SURF6: variants seen among roughly 807,000 people sequenced by gnomAD.
The protein encoded by SURF6 is surfeit 6.
In SURF6, 28 loss-of-function variants were observed where a neutral mutation model predicts 37.5. The observed-to-expected ratio is 0.75, with a 90% CI of 0.55 to 1.02. The LOEUF is 1.02. SURF6 is among the 50% of genes least tolerant of loss of function. SURF6 has a pLI of 0.00. For missense variants in SURF6, 560 were observed against 490.5 expected, an observed-to-expected ratio of 1.14 and a Z score of -1.34; for synonymous variants, 248 against 210.9, an observed-to-expected ratio of 1.18 and a Z score of -1.52.
rs2129920795 is a variant in SURF6, at chr9:133,332,714, C to T, written c.440G>A (p.Arg147Gln). The T allele has an allele frequency of 3.2e-5, 52 of 1,611,840 alleles. No homozygotes were observed. The highest frequency in any genetic ancestry group is 1.6e-4 in the Middle Eastern group (1 of 6,082). The change falls in exon 4 of 5, where the codon CGG becomes CAG. Residue 147 changes from arginine (R) to glutamine (Q), a missense_variant. Physicochemically the swap from Arg to Gln is conservative, Grantham distance 43. Transcript: ENST00000372022. Reference sequence around the variant, plus strand: ...CTTCCGGTCCCGTTCCTGCTTTCTCCGCCGCCTTTTCTCCAAGGCGGCAGG... The same window carrying T: ...CTTCCGGTCCCGTTCCTGCTTTCTCTGCCGCCTTTTCTCCAAGGCGGCAGG... ...LSPAALEKRR[R>Q]RKQERDRKKR...
In SURF6 at chr9:133,333,714, C is replaced by T. The variant is rs2129924376; in HGVS notation, c.393+4G>A. ...ACGGCACTCCAGCAAACCTGCCCGC[C>T]TACCTGGCCCCGGGCCTCCTGGATC... On this transcript the variant is annotated splice_donor_region_variant and intron_variant, in intron 3 of 4. Transcript: ENST00000372022. The T allele has an allele frequency of 6.2e-7, 1 of 1,613,100 alleles. No homozygotes were observed. The highest frequency in any genetic ancestry group is 1.1e-5 in the South Asian group (1 of 91,016).
chr9:133,335,334 A>AAAAAT (rs1554766134), intron 1 of SURF6, among the ~76,000 whole-genome samples: 1 of 151,254 alleles, frequency 6.6e-6, no homozygotes, highest in Non-Finnish European at 1.5e-5. Flanking sequence ...AAAAAAAAAA[A>AAAAAT]TTTCAAAAAG....
chr9:133,332,426 C>A, intron 4 of SURF6, 78 bp from the exon 5 acceptor site: 4 of 1,527,204 alleles, frequency 2.6e-6, no homozygotes, highest in South Asian at 1.3e-5. Context: ...AAGGGACCTG[C>A]GAGGTCCCCG....
intron 2 of SURF6, 76 bp downstream of exon 2, chr9:133,334,316 A>C: frequency 7.1e-7 from 1 of 1,407,050 alleles, no homozygotes; most frequent in South Asian, 1.4e-5. Flanking sequence ...TTTTTTCTTA[A>C]GAGCAAAGGG....
In SURF6 at chr9:133,330,997, C is replaced by G. The variant is rs1161772690; in HGVS notation, c.*872G>C. On this transcript the variant is annotated 3_prime_UTR_variant, in exon 5 of 5. Coordinates refer to ENST00000372022, the MANE Select transcript of SURF6 (RefSeq NM_006753.6). ...TCCTGTTCAGTTACAGTCTTTGTCT[C>G]ATAACCGGAGAGTTTCATCAAAAGA... 1 of 152,174 alleles carries G rather than the reference C, an allele frequency of 6.6e-6. No homozygotes were observed. Among genetic ancestry groups the G allele is most frequent in the Non-Finnish European group, 1.5e-5 (1 of 68,028 alleles). 9.4% of individuals were successfully genotyped at this position (152,174 alleles called of 1,614,324 possible). A position where few individuals can be genotyped will look rare whatever the true frequency, so the allele number is the denominator to read the frequency against.
intron 4 of SURF6, 43 bp from the exon 5 acceptor site, chr9:133,332,391 AG>A (rs1348660641): frequency 6.5e-7 from 1 of 1,543,504 alleles, no homozygotes; most frequent in Non-Finnish European, 8.7e-7. Context: ...GCCCTGCACT[AG>A]GCCCCAGCCT....
chr9:133,336,108 C>T lies in SURF6; in HGVS notation c.25G>A (p.Ala9Thr), dbSNP rs1448204654. ...TTCTTGGCCAGGCTCTGCAGGTAGG[C>T]GTCCTTGGCGAGTAGAGAGGCCATG... MASLLAKDAYLQSLAKKIC... is the reference protein window; with the variant it reads MASLLAKDTYLQSLAKKIC... The change falls in exon 1 of 5, where the codon GCC (alanine) becomes ACC (threonine). Residue 9 changes from alanine (A) to threonine (T), a missense_variant. Transcript: ENST00000372022. The T allele has an allele frequency of 1.2e-6, 2 of 1,612,408 alleles. No homozygotes were observed. Among genetic ancestry groups the T allele is most frequent in the Non-Finnish European group, 1.7e-6 (2 of 1,179,792 alleles).
At chr9:133,335,962 C>T (rs1835864776) in intron 1 of SURF6, 77 bp downstream of exon 1, 5 of 1,171,082 alleles carry the variant, frequency 4.3e-6, no homozygotes, top group Non-Finnish European at 6.1e-6. Flanking sequence ...TAGTACTTTA[C>T]AGACTCGTCT....
rs2129926851 is a variant in SURF6, at chr9:133,334,373, A to G, written c.304+19T>C. The G allele has an allele frequency of 6.2e-7, 1 of 1,601,226 alleles. No homozygotes were observed. The highest frequency in any genetic ancestry group is 2.2e-5 in the East Asian group (1 of 44,760). ...CAGCCCCGCCCTGCACAGAACCAACATGCCCTGAAGCCTCTCACCTGCAGG... is the reference window on the plus strand; with the variant it reads ...CAGCCCCGCCCTGCACAGAACCAACGTGCCCTGAAGCCTCTCACCTGCAGG... On this transcript the variant is annotated intron_variant, in intron 2 of 4. Coordinates refer to ENST00000372022, the MANE Select transcript of SURF6 (RefSeq NM_006753.6).
chr9:133,332,447 A>G, intron 4 of SURF6, 99 bp from the exon 5 acceptor site: 1 of 1,539,114 alleles, frequency 6.5e-7, no homozygotes, highest in South Asian at 1.2e-5. Flanking sequence ...TCACCACCTT[A>G]CAGACATGAT....
Position 133,329,211 on chromosome 9 carries a change from ACTG to A in SURF6, c.*2655_*2657del, listed in dbSNP as rs1446463935. On this transcript the variant is annotated 3_prime_UTR_variant, in exon 5 of 5. Coordinates refer to ENST00000372022, the MANE Select transcript of SURF6 (RefSeq NM_006753.6). The stretch of plus-strand genomic sequence containing the variant: ...CTTTTAGTACTTTCACTAATTTACT[ACTG>A]CTATCTAGAAGGCAGAGCCAGGTGT... The A allele has an allele frequency of 3.3e-5, 5 of 152,990 alleles. No homozygotes were observed. Among genetic ancestry groups the A allele is most frequent in the African/African-American group, 1.2e-4 (5 of 41,444 alleles). The allele number at this position is 152,990 out of a possible 1,614,324, so 9.5% of individuals were successfully genotyped here. A position where few individuals can be genotyped will look rare whatever the true frequency, so the allele number is the denominator to read the frequency against.
Position 133,332,261 on chromosome 9 carries a change from TCAG to T in SURF6, c.691_693del (p.Leu231del), listed in dbSNP as rs2129916953. ...AGCAGCTGCCGGTAGTTCCTCCCGGTCAGCGGCGTGAGGTTCCCCTTCACCCTC... is the reference window on the plus strand; with the variant it reads ...AGCAGCTGCCGGTAGTTCCTCCCGGTCGGCGTGAGGTTCCCCTTCACCCTC... On this transcript the variant is annotated inframe_deletion, in exon 5 of 5. Coordinates refer to ENST00000372022, the MANE Select transcript of SURF6 (RefSeq NM_006753.6). 8 of 1,603,544 alleles carry T rather than the reference TCAG, an allele frequency of 5.0e-6. No homozygotes were observed. Among genetic ancestry groups the T allele is most frequent in the Non-Finnish European group, 6.8e-6 (8 of 1,179,546 alleles).
At chr9:133,332,950 C>A in intron 3 of SURF6, 190 bp from the exon 4 acceptor site, 1 of 610,270 alleles carries the variant, frequency 1.6e-6, no homozygotes, top group Non-Finnish European at 2.9e-6. Context: ...AGAGAAGGGA[C>A]CCCCAAATAA....
Position 133,333,783 on chromosome 9 carries a change from A to C in SURF6, c.328T>G (p.Ser110Ala), listed in dbSNP as rs1320096748. The C allele has an allele frequency of 1.9e-6, 3 of 1,613,638 alleles. No individual in the cohort carries two copies. The highest frequency in any genetic ancestry group is 1.1e-5 in the South Asian group (1 of 91,038). The change falls in exon 3 of 5, where the codon TCT becomes GCT. Residue 110 changes from serine (S) to alanine (A), a missense_variant. Physicochemically the swap from Ser to Ala is moderately conservative, Grantham distance 99. Transcript: ENST00000372022. ...CGCAGAACATCCAGAGCAAAGACAG[A>C]CTCAGGCTCAGTGGCCAGGCCATCT... The part of the protein sequence containing the change: ...PADGLATEPE[S>A]VFALDVLRQR...
Position 133,328,999 on chromosome 9 carries a change from TGTTA to T in SURF6, c.*2866_*2869del, listed in dbSNP as rs1835653573. The T allele has an allele frequency of 6.5e-6, 1 of 154,600 alleles. No individual in the cohort carries two copies. Among genetic ancestry groups the T allele is most frequent in the African/African-American group, 2.4e-5 (1 of 41,470 alleles). 9.6% of individuals were successfully genotyped at this position (154,600 alleles called of 1,614,324 possible). A position where few individuals can be genotyped will look rare whatever the true frequency, so the allele number is the denominator to read the frequency against. On this transcript the variant is annotated 3_prime_UTR_variant, in exon 5 of 5. Coordinates refer to ENST00000372022, the MANE Select transcript of SURF6 (RefSeq NM_006753.6). ...AGTGGCCCCGAATGTCTGGCTGCAT[TGTTA>T]TTTATTGGATACAAAGCAAAAGGGG...
rs2129924634 is a variant in SURF6, at chr9:133,333,753, G to A, written c.358C>T (p.Arg120Ter). ...GCCTCCTGGATCTTCTCATGCAGTC[G>A]CTGTCGCAGAACATCCAGAGCAAAG... The part of the protein sequence containing the change: ...SVFALDVLRQ[R>*]LHEKIQEARG... Residue 120 changes from arginine to a stop codon, truncating the protein, a stop_gained, in exon 3 of 5, where the codon CGA becomes TGA. Transcript: ENST00000372022. LOFTEE classifies it high-confidence loss of function. 16 of 1,613,762 alleles carry A rather than the reference G, an allele frequency of 9.9e-6. No homozygotes were observed. The highest frequency in any genetic ancestry group is 2.2e-5 in the South Asian group (2 of 91,060).
At chr9:133,333,038 G>A (rs1441480561) in intron 3 of SURF6, 4 of 501,296 alleles carry the variant, frequency 8.0e-6, no homozygotes, top group East Asian at 7.4e-5. Flanking sequence ...GTCATACATC[G>A]TTTTATAGAT....
rs2129907850 is a variant in SURF6 at position 133,330,881 on chromosome 9, G to C, written c.*988C>G. ...ATTCTTTTCAGATACTGTTGTGTCT[G>C]TCTCTCAGCTCAAGCTCATGCTCAC... On this transcript the variant is annotated 3_prime_UTR_variant, in exon 5 of 5. Transcript: ENST00000372022. The C allele has an allele frequency of 6.6e-6, 1 of 152,266 alleles. No individual in the cohort carries two copies. Among genetic ancestry groups the C allele is most frequent in the Non-Finnish European group, 1.5e-5 (1 of 68,024 alleles). The allele number at this position is 152,266 out of a possible 1,614,324, so 9.4% of individuals were successfully genotyped here.
chr9:133,334,683 C>T, intron 1 of SURF6, 82 bp from the exon 2 acceptor site: 2 of 1,512,830 alleles, frequency 1.3e-6, no homozygotes, highest in South Asian at 2.4e-5. Flanking sequence ...AGGCTTTGAT[C>T]CCAGGAAGAT....
Sources: gnomAD v4.1 joint callset for allele counts (sites outside exome capture counted in the v4.1 genomes callset) on GRCh38, gnomAD v4.1.1 for gene constraint, MANE v1.5 for transcripts, NCBI Gene and HGNC (gene_info 2026-07-23, HGNC 2026-07-21) for gene names.